The following BLTP1 variants were observed in gnomAD, a reference collection of about 807,000 sequenced individuals.
BLTP1 encodes bridge-like lipid transfer protein family member 1.
chr4:122,232,250 A>G, the BLTP1 span: 1 of 437,904 alleles, frequency 2.3e-6, no homozygotes, highest in Non-Finnish European at 3.0e-6. Context: ...ATCAGAGACT[A>G]TATTACAGCC....
At chr4:122,290,970 G>A in the BLTP1 span, 2 of 874,914 alleles carry the variant, frequency 2.3e-6, no homozygotes, top group Non-Finnish European at 2.7e-6. Flanking sequence ...AAAAACAAGT[G>A]TTGTGGAGTT....
chr4:122,294,091 T>C, the BLTP1 span, among the ~76,000 whole-genome samples: 1 of 152,038 alleles, frequency 6.6e-6, no homozygotes, highest in Non-Finnish European at 1.5e-5. Context: ...ACCAGAGTTA[T>C]ACATACAGAA....
At chr4:122,266,632 A>C in the BLTP1 span, 13 of 514,772 alleles carry the variant, frequency 2.5e-5, no homozygotes, top group Non-Finnish European at 3.5e-5. Context: ...AGTTAGAGTC[A>C]ATTATATGAG....
the BLTP1 span, chr4:122,237,934 G>A: frequency 2.8e-6 from 1 of 360,224 alleles, no homozygotes; most frequent in Non-Finnish European, 3.7e-6. Context: ...AGTGAGCCAA[G>A]ATCGTGCCAC....
chr4:122,235,258 T>C, the BLTP1 span: 1 of 715,446 alleles, frequency 1.4e-6, no homozygotes, highest in Non-Finnish European at 1.7e-6. Flanking sequence ...TTGACGTGGG[T>C]GGCTTTCCTC....
At chr4:122,222,347 A>C in the BLTP1 span, among the ~76,000 whole-genome samples, 1 of 152,120 alleles carries the variant, frequency 6.6e-6, no homozygotes, top group African/African-American at 2.4e-5. Flanking sequence ...TCAGTCTCTT[A>C]ACTCAAGGCT....
At chr4:122,324,332 C>A in the BLTP1 span, 8 of 1,282,372 alleles carry the variant, frequency 6.2e-6, no homozygotes, top group South Asian at 1.1e-4. Context: ...CTGGGGAAAA[C>A]AACTTATTTA....
chr4:122,324,048 A>G, the BLTP1 span, among the ~76,000 whole-genome samples: 1 of 151,954 alleles, frequency 6.6e-6, no homozygotes, highest in East Asian at 1.9e-4. Flanking sequence ...CCTTGGAGAA[A>G]AGTGATCTTT....
At chr4:122,205,848 A>G in the BLTP1 span, 4 of 396,236 alleles carry the variant, frequency 1.0e-5, no homozygotes, top group Admixed American at 2.0e-4. Flanking sequence ...GTATTGTGTT[A>G]TGTACTGTGA....
At chr4:122,233,174 G>A in the BLTP1 span, among the ~76,000 whole-genome samples, 2 of 152,198 alleles carry the variant, frequency 1.3e-5, no homozygotes, top group African/African-American at 2.4e-5. Context: ...CCATTCAGTT[G>A]ATTCTAATAC....
the BLTP1 span, chr4:122,239,468 A>T: frequency 7.1e-7 from 1 of 1,401,268 alleles, no homozygotes. Flanking sequence ...TTTATGCTTA[A>T]ATTTTATGAT....
the BLTP1 span, chr4:122,196,566 T>C: frequency 1.5e-5 from 18 of 1,241,058 alleles, 2 homozygotes; most frequent in South Asian, 2.5e-4. Flanking sequence ...GAATATTGAT[T>C]ATGTTCCTTT....
chr4:122,309,457 G>A, the BLTP1 span: 2 of 1,612,142 alleles, frequency 1.2e-6, no homozygotes, highest in Non-Finnish European at 1.7e-6. Flanking sequence ...ATTTAGTGAT[G>A]AATGCCTGTG....
chr4:122,211,156 T>A, the BLTP1 span: 1 of 1,425,788 alleles, frequency 7.0e-7, no homozygotes, highest in Non-Finnish European at 9.6e-7. Flanking sequence ...TAAAATTTAA[T>A]TGAAAATTGA....
At chr4:122,300,543 T>G in the BLTP1 span, among the ~76,000 whole-genome samples, 1 of 152,132 alleles carries the variant, frequency 6.6e-6, no homozygotes, top group African/African-American at 2.4e-5. Context: ...TATTTTCTGT[T>G]CTAGTAGAAA....
the BLTP1 span, among the ~76,000 whole-genome samples, chr4:122,213,551 T>C: frequency 6.6e-6 from 1 of 152,098 alleles, no homozygotes; most frequent in African/African-American, 2.4e-5. Context: ...GATTGTCTTT[T>C]TTTAGTTATC....
the BLTP1 span, chr4:122,316,618 ATATAGATGGTTTTGATT>A: frequency 7.3e-7 from 1 of 1,375,604 alleles, no homozygotes; most frequent in Non-Finnish European, 1.0e-6. Context: ...TCCAACCTTA[ATATAGATGGTTTTGATT>A]CTTGCATGCT....
At chr4:122,334,634 T>C in the BLTP1 span, 2 of 1,304,878 alleles carry the variant, frequency 1.5e-6, no homozygotes, top group Admixed American at 2.1e-5. Context: ...CCAATGCACA[T>C]GTTTAAGAAA....
chr4:122,217,014 A>G, the BLTP1 span, among the ~76,000 whole-genome samples: 1 of 152,076 alleles, frequency 6.6e-6, no homozygotes, highest in African/African-American at 2.4e-5. Flanking sequence ...TTTGCTGAAT[A>G]GGTTTTTGTT....
Sources: gnomAD v4.1 joint callset for allele counts (sites outside exome capture counted in the v4.1 genomes callset) on GRCh38, gnomAD v4.1.1 for gene constraint, MANE v1.5 for transcripts, NCBI Gene and HGNC (gene_info 2026-07-23, HGNC 2026-07-21) for gene names.